The following IRAK3 variants were observed in gnomAD, a reference collection of about 807,000 sequenced individuals.
The protein encoded by IRAK3 is interleukin-1 receptor-associated kinase 3.
A neutral mutation model predicts 56.6 loss-of-function variants in IRAK3; 57 were observed. The ratio of observed to expected loss-of-function variants is 1.01; its 90% CI spans 0.81 to 1.26. IRAK3 has a LOEUF of 1.26. IRAK3 is among the 50% of genes most tolerant of loss of function. IRAK3 has a pLI of 0.00. For missense variants in IRAK3, 703 were observed against 719.0 expected (o/e 0.98, Z 0.25); for synonymous variants, 258 against 255.7 (o/e 1.01, Z -0.09).
At chr12:66,237,260 A>G (rs1323520012) in intron 8 of IRAK3, among the ~76,000 whole-genome samples, 2 of 152,002 alleles carry the variant, frequency 1.3e-5, no homozygotes, top group Admixed American at 6.6e-5. Context: ...TTATCCCCCC[A>G]CAATGTGAGA....
At chr12:66,236,395 C>CAA (rs56074285) in intron 8 of IRAK3, among the ~76,000 whole-genome samples, 170 of 110,368 alleles carry the variant, frequency 1.5e-3, no homozygotes, top group African/African-American at 5.5e-3. Context: ...CTAAAAATAC[C>CAA]AAAAAAAAAA....
At chr12:66,243,992 A>G (rs2052999985) in intron 8 of IRAK3, among the ~76,000 whole-genome samples, 1 of 152,246 alleles carries the variant, frequency 6.6e-6, no homozygotes, top group African/African-American at 2.4e-5. Context: ...AGATGAAACC[A>G]TGGGATAGGG....
At chr12:66,241,330 A>G (rs1247832284) in intron 8 of IRAK3, among the ~76,000 whole-genome samples, 3 of 152,218 alleles carry the variant, frequency 2.0e-5, no homozygotes, top group African/African-American at 7.2e-5. Context: ...ATATGGGTCA[A>G]AGATGTCTTT....
chr12:66,236,431 A>G (rs1204061781), intron 8 of IRAK3, among the ~76,000 whole-genome samples: 1 of 150,392 alleles, frequency 6.6e-6, no homozygotes, highest in Non-Finnish European at 1.5e-5. Flanking sequence ...AACCAGGCAT[A>G]GTGGCTTGTG....
Position 66,203,699 on chromosome 12 carries a change from C to A in IRAK3, c.134-12C>A. The A allele has an allele frequency of 1.2e-6, 2 of 1,612,960 alleles. No individual in the cohort carries two copies. The highest frequency in any genetic ancestry group is 1.7e-6 in the Non-Finnish European group (2 of 1,179,106). On this transcript the variant is annotated splice_polypyrimidine_tract_variant and intron_variant, in intron 1 of 11. Transcript: ENST00000261233. ...AGTAAACAATTCTTTGTTTATATTG[C>A]AATTTCCACAGCAGAGAGACTTTCA...
rs1366430256 is a variant in IRAK3, at chr12:66,202,800, G to T, written c.134-911G>T. On this transcript the variant is annotated intron_variant, in intron 1 of 11. Transcript: ENST00000261233. Reference sequence around the variant, plus strand: ...AACCTGGGTGACAGAGTGAGATGTTGTCTCAAAAAAATAAAATAAAAATAA... The same window carrying T: ...AACCTGGGTGACAGAGTGAGATGTTTTCTCAAAAAAATAAAATAAAAATAA... 5.3e-5 allele frequency among the ~76,000 whole-genome samples: 8 copies of T among 149,640 alleles called. No individual in the cohort carries two copies. In the East Asian group the frequency reaches 1.4e-3, roughly 26 times the overall value.
intron 6 of IRAK3, among the ~76,000 whole-genome samples, chr12:66,220,923 G>A (rs1326432441): frequency 6.6e-6 from 1 of 152,130 alleles, no homozygotes; most frequent in Admixed American, 6.5e-5. Flanking sequence ...TTGGAATTTT[G>A]ATAGAAATGT....
At chr12:66,220,958 T>C (rs1170992780) in intron 6 of IRAK3, among the ~76,000 whole-genome samples, 1 of 152,186 alleles carries the variant, frequency 6.6e-6, no homozygotes, top group Non-Finnish European at 1.5e-5. Context: ...TCACTTTGAG[T>C]AGTATGGACA....
intron 8 of IRAK3, among the ~76,000 whole-genome samples, chr12:66,242,191 T>C (rs1248184829): frequency 1.3e-5 from 2 of 152,104 alleles, no homozygotes; most frequent in Non-Finnish European, 2.9e-5. Flanking sequence ...GACTCCAAAG[T>C]TGAAGGGCAG....
At chr12:66,247,663 A>C in intron 11 of IRAK3, 32 bp from the exon 12 acceptor site, 2 of 1,309,498 alleles carry the variant, frequency 1.5e-6, no homozygotes, top group Non-Finnish European at 2.2e-6. Flanking sequence ...ATTCAAACTT[A>C]ATTTAATGTC....
chr12:66,245,446 C>A (rs1234311881), intron 11 of IRAK3, among the ~76,000 whole-genome samples, 184 bp downstream of exon 11: 1 of 150,232 alleles, frequency 6.7e-6, no homozygotes. Context: ...TGTTAGAGGT[C>A]ATTTCTAGGT....
At chr12:66,232,818 A>G (rs17102243) in intron 8 of IRAK3, among the ~76,000 whole-genome samples, 2,844 of 152,332 alleles carry the variant, frequency 0.019, 33 homozygotes, top group Middle Eastern at 0.048. Flanking sequence ...TAATTGGCTG[A>G]GAAAAGGACA....
At chr12:66,210,937 A>G (rs1372784777) in intron 4 of IRAK3, among the ~76,000 whole-genome samples, 2 of 152,158 alleles carry the variant, frequency 1.3e-5, no homozygotes, top group African/African-American at 4.8e-5. Context: ...TTTTCTCCCA[A>G]TCTCCACTTT....
At chr12:66,191,829 G>A (rs1032439120) in intron 1 of IRAK3, among the ~76,000 whole-genome samples, 1 of 152,186 alleles carries the variant, frequency 6.6e-6, no homozygotes, top group African/African-American at 2.4e-5. Flanking sequence ...CAGGACAGCT[G>A]ACAGCCCAAG....
At chr12:66,239,556 G>A (rs2052943253) in intron 8 of IRAK3, among the ~76,000 whole-genome samples, 1 of 152,182 alleles carries the variant, frequency 6.6e-6, no homozygotes, top group Admixed American at 6.5e-5. Flanking sequence ...GGAATGCAAA[G>A]TGTCTTTCTT....
Position 66,237,789 on chromosome 12 carries a change from A to G in IRAK3, c.888-6697A>G, listed in dbSNP as rs551781914. On this transcript the variant is annotated intron_variant, in intron 8 of 11. Coordinates refer to ENST00000261233, the MANE Select transcript of IRAK3 (RefSeq NM_007199.3). ...GGGTGCTTTCTGAACTAAATTTTTG[A>G]TGTTTGCCAAGAATATGGGAGGATG... Among the ~76,000 whole-genome samples, 59 of 152,280 alleles carry G rather than the reference A, an allele frequency of 3.9e-4. 1 individual carries two copies. The highest frequency in any genetic ancestry group is 1.3e-3 in the African/African-American group (55 of 41,560).
In IRAK3 at chr12:66,233,734, C is replaced by T. The variant is rs187738760; in HGVS notation, c.887+5364C>T. 7.9e-5 allele frequency among the ~76,000 whole-genome samples: 12 copies of T among 150,962 alleles called. No individual in the cohort carries two copies. The East Asian group carries it at 2.3e-3, about 29-fold the overall frequency. Reference sequence around the variant, plus strand: ...GGTCATGCACTTGGATAAGTCTTCACGGTCTTTGTGCATACCCAGAAAATT... The same window carrying T: ...GGTCATGCACTTGGATAAGTCTTCATGGTCTTTGTGCATACCCAGAAAATT... On this transcript the variant is annotated intron_variant, in intron 8 of 11. Coordinates refer to ENST00000261233, the MANE Select transcript of IRAK3 (RefSeq NM_007199.3).
At chr12:66,203,170 G>A (rs1429312329) in intron 1 of IRAK3, among the ~76,000 whole-genome samples, 3 of 152,122 alleles carry the variant, frequency 2.0e-5, no homozygotes, top group Admixed American at 6.5e-5. Context: ...TAATCTCAAA[G>A]TATCTTCCCC....
chr12:66,195,398 C>T (rs190416478), intron 1 of IRAK3, among the ~76,000 whole-genome samples: 5 of 152,318 alleles, frequency 3.3e-5, no homozygotes, highest in African/African-American at 7.2e-5. Flanking sequence ...AGTCGGCAAG[C>T]CTGTGATGCC....
Sources: allele counts gnomAD v4.1 joint callset (sites outside exome capture counted in the v4.1 genomes callset), GRCh38; gene constraint gnomAD v4.1.1; transcripts MANE v1.5; gene names NCBI Gene and HGNC (gene_info 2026-07-23, HGNC 2026-07-21).